The following INSL6 variants were observed in gnomAD, a reference collection of about 807,000 sequenced individuals.
INSL6 encodes insulin-like peptide INSL6.
Under a neutral mutation model 9.4 loss-of-function variants are expected in INSL6, and 16 were observed. The ratio of observed to expected loss-of-function variants is 1.70; its 90% CI spans 1.15 to 2.59. INSL6 has a LOEUF of 2.59. INSL6 is among the 30% of genes most tolerant of loss of function. The pLI, the probability that INSL6 is intolerant of heterozygous loss-of-function variation, is 0.00. For missense variants in INSL6, 391 were observed against 257.3 expected (o/e 1.52, Z -3.56); for synonymous variants, 154 against 96.9 (o/e 1.59, Z -3.46).
At chr9:5,121,953 C>G (rs1823646490), downstream of INSL6, among the ~76,000 whole-genome samples, 1 of 152,058 alleles carries the variant, frequency 6.6e-6, no homozygotes, top group South Asian at 2.1e-4. Flanking sequence ...TGGAATAAAA[C>G]TAACATACAT....
At chr9:5,036,633 T>A in the INSL6 span, among the ~76,000 whole-genome samples, 1 of 152,208 alleles carries the variant, frequency 6.6e-6, no homozygotes, top group Non-Finnish European at 1.5e-5. Context: ...ATTTAATAAA[T>A]GGTGCTGGGA....
At chr9:5,128,050 C>A (rs996717395) in intron 3 of INSL6, 6 of 230,766 alleles carry the variant, frequency 2.6e-5, no homozygotes, top group Non-Finnish European at 5.1e-5. Flanking sequence ...CCACTTTAGA[C>A]ACCATAGCTA....
chr9:5,046,928 A>T, the INSL6 span, among the ~76,000 whole-genome samples: 1 of 152,200 alleles, frequency 6.6e-6, no homozygotes, highest in Middle Eastern at 3.2e-3. Context: ...CAAACTATTC[A>T]TTCAGCTACT....
chr9:5,017,082 A>G, the INSL6 span, among the ~76,000 whole-genome samples: 2 of 152,244 alleles, frequency 1.3e-5, no homozygotes, highest in Non-Finnish European at 2.9e-5. Flanking sequence ...AGGGAAAGCC[A>G]TGACATGTAG....
the INSL6 span, chr9:5,099,828 A>G: frequency 3.9e-5 from 6 of 152,178 alleles, no homozygotes; most frequent in African/African-American, 1.4e-4. Context: ...TACCCCATTC[A>G]TTTACACCAA....
the INSL6 span, among the ~76,000 whole-genome samples, chr9:5,069,432 A>G: frequency 6.6e-6 from 1 of 152,190 alleles, no homozygotes; most frequent in East Asian, 1.9e-4. Flanking sequence ...GAGATTTTAA[A>G]CATAATGTGT....
At chr9:5,092,977 A>G in the INSL6 span, among the ~76,000 whole-genome samples, 1 of 152,228 alleles carries the variant, frequency 6.6e-6, no homozygotes, top group African/African-American at 2.4e-5. Flanking sequence ...AAAAGCAGCC[A>G]ACAATTAAGA....
the INSL6 span, chr9:5,110,461 C>G: frequency 1.3e-5 from 2 of 152,792 alleles, no homozygotes; most frequent in Non-Finnish European, 2.9e-5. Flanking sequence ...TGCACCCACA[C>G]CTTTTTTAAA....
the INSL6 span, chr9:5,108,243 G>T: frequency 2.0e-5 from 3 of 151,966 alleles, no homozygotes; most frequent in African/African-American, 7.3e-5. Flanking sequence ...TAAAATTATA[G>T]CATTCACAGC....
the INSL6 span, among the ~76,000 whole-genome samples, chr9:5,031,565 T>C: frequency 6.6e-6 from 1 of 152,332 alleles, no homozygotes; most frequent in Non-Finnish European, 1.5e-5. Context: ...AGATAAATTA[T>C]AGATTGATTA....
At chr9:5,167,488 G>A (rs181022385) in intron 1 of INSL6, among the ~76,000 whole-genome samples, 1 of 152,338 alleles carries the variant, frequency 6.6e-6, no homozygotes, top group African/African-American at 2.4e-5. Context: ...CAGCACAGCG[G>A]CTGGGACAGT....
chr9:5,154,293 C>T (rs1055015545), intron 2 of INSL6, among the ~76,000 whole-genome samples: 1 of 152,136 alleles, frequency 6.6e-6, no homozygotes, highest in Non-Finnish European at 1.5e-5. Flanking sequence ...AAGCTGTATC[C>T]CTTCCTTACA....
chr9:5,135,179 A>T (rs574331281), intron 2 of INSL6, among the ~76,000 whole-genome samples: 30 of 152,200 alleles, frequency 2.0e-4, no homozygotes, highest in Non-Finnish European at 7.3e-5. Context: ...ACCCAGATCC[A>T]TAAAACAAGT....
At chr9:5,085,972 G>A in the INSL6 span, 1 of 1,058,872 alleles carries the variant, frequency 9.4e-7, no homozygotes, top group Non-Finnish European at 1.5e-6. Context: ...TCACCACTGT[G>A]TGTTTTGCTG....
At chr9:5,170,031 C>A (rs1398412153) in intron 1 of INSL6, among the ~76,000 whole-genome samples, 1 of 152,202 alleles carries the variant, frequency 6.6e-6, no homozygotes, top group Non-Finnish European at 1.5e-5. Flanking sequence ...TAGATATCTA[C>A]AGAACTCTCC....
chr9:5,174,246 C>T (rs1038189557), intron 1 of INSL6, among the ~76,000 whole-genome samples: 8 of 152,150 alleles, frequency 5.3e-5, no homozygotes, highest in African/African-American at 1.9e-4. Flanking sequence ...CAGCTACCAT[C>T]GTATCTATTT....
the INSL6 span, chr9:5,050,843 T>C: frequency 6.2e-7 from 1 of 1,606,912 alleles, no homozygotes; most frequent in Non-Finnish European, 8.5e-7. Context: ...TAATTTTCTT[T>C]TGCAAATCCT....
the INSL6 span, among the ~76,000 whole-genome samples, chr9:5,014,943 G>A: frequency 4.8e-3 from 724 of 151,480 alleles, 1 homozygote; most frequent in Non-Finnish European, 7.3e-3. Context: ...TTGCGGGGGC[G>A]GGGGGAGATT....
At chr9:4,997,322 G>C in the INSL6 span, among the ~76,000 whole-genome samples, 1 of 152,152 alleles carries the variant, frequency 6.6e-6, no homozygotes, top group African/African-American at 2.4e-5. Flanking sequence ...TGGTTCTGCA[G>C]GCTTACAAGC....
Sources: gnomAD v4.1 joint callset for allele counts (sites outside exome capture counted in the v4.1 genomes callset) on GRCh38, gnomAD v4.1.1 for gene constraint, MANE v1.5 for transcripts, NCBI Gene and HGNC (gene_info 2026-07-23, HGNC 2026-07-21) for gene names.